Variants in CTNNA2 observed in about 807,000 individuals in gnomAD.
CTNNA2 encodes catenin alpha 2.
A neutral mutation model predicts 101.0 loss-of-function variants in CTNNA2; 42 were observed. The observed-to-expected ratio is 0.42, with a 90% CI of 0.32 to 0.54. CTNNA2 has a LOEUF of 0.54. CTNNA2 is among the 20% of genes least tolerant of loss of function. The pLI is 0.14. For missense variants in CTNNA2, 871 were observed against 1,223.1 expected (o/e 0.71, Z 4.29); for synonymous variants, 450 against 456.4 (o/e 0.99, Z 0.18).
rs574517389 is a variant in CTNNA2, at chr2:80,576,247, C to A, written c.1893+1933C>A. 2.4e-3 allele frequency: 358 copies of A among 152,164 alleles called. 1 individual carries two copies. Among genetic ancestry groups the A allele is most frequent in the African/African-American group, 8.2e-3 (339 of 41,500 alleles). 9.4% of individuals were successfully genotyped at this position (152,164 alleles called of 1,614,324 possible). On this transcript the variant is annotated intron_variant, in intron 13 of 18. Transcript: ENST00000402739. ...CATATTTAATGGTGATGTTGGTATC[C>A]AAGTGCTTGAGGCCAGCTCCAGGCA...
chr2:80,398,641 A>C, intron 8 of CTNNA2, among the ~76,000 whole-genome samples: 1 of 150,534 alleles, frequency 6.6e-6, no homozygotes, highest in East Asian at 2.0e-4. Context: ...GATCACTTGA[A>C]GTCAGGAGTT....
chr2:79,339,077 C>G (rs1052391745), intron 3 of CTNNA2, among the ~76,000 whole-genome samples: 1 of 152,056 alleles, frequency 6.6e-6, no homozygotes, highest in African/African-American at 2.4e-5. Flanking sequence ...AAATCACTCA[C>G]GTGGAGAAGT....
intron 14 of CTNNA2, among the ~76,000 whole-genome samples, chr2:80,582,080 A>G (rs530508040): frequency 1.3e-5 from 2 of 152,202 alleles, no homozygotes; most frequent in East Asian, 3.9e-4. Context: ...TATGTGTATA[A>G]TTGATTTTGT....
At chr2:79,496,707 A>T (rs1217860730) in intron 4 of CTNNA2, among the ~76,000 whole-genome samples, 1 of 151,768 alleles carries the variant, frequency 6.6e-6, no homozygotes, top group Non-Finnish European at 1.5e-5. Flanking sequence ...GTGTACATAT[A>T]TATAATTTTA....
At chr2:79,854,351 T>C (rs1249630312) in intron 3 of CTNNA2, among the ~76,000 whole-genome samples, 2 of 152,218 alleles carry the variant, frequency 1.3e-5, no homozygotes, top group Non-Finnish European at 2.9e-5. Context: ...TAAGGCCCCA[T>C]GTTGGGTGCT....
chr2:79,979,870 C>T (rs1691133217), intron 7 of CTNNA2, among the ~76,000 whole-genome samples: 2 of 152,094 alleles, frequency 1.3e-5, no homozygotes, highest in South Asian at 4.1e-4. Flanking sequence ...TTATATAAAG[C>T]AAAACCTTTT....
intron 5 of CTNNA2, among the ~76,000 whole-genome samples, chr2:79,870,402 C>A (rs997715229): frequency 8.3e-6 from 1 of 120,802 alleles, no homozygotes; most frequent in Non-Finnish European, 1.7e-5. Context: ...AAAACATGAA[C>A]AAAATGAGAG....
chr2:80,434,388 C>G (rs1253593832), intron 9 of CTNNA2, among the ~76,000 whole-genome samples: 3 of 151,618 alleles, frequency 2.0e-5, no homozygotes, highest in Admixed American at 6.6e-5. Context: ...AATTGCTTTT[C>G]ATTCTGGAAA....
Position 79,271,695 on chromosome 2 carries a change from A to G in CTNNA2, c.-405-41014A>G, listed in dbSNP as rs542992888. On this transcript the variant is annotated intron_variant, in intron 2 of 21. Coordinates refer to the CTNNA2 transcript ENST00000466387. ...CCCTCTCTACTTTTACTGCTAACAGACAGTGAGGAAGAAGGCTACGTCCCT... is the reference window on the plus strand; with the variant it reads ...CCCTCTCTACTTTTACTGCTAACAGGCAGTGAGGAAGAAGGCTACGTCCCT... 1.1e-4 allele frequency among the ~76,000 whole-genome samples: 16 copies of G among 152,116 alleles called. 1 individual carries two copies. In the East Asian group the frequency reaches 1.8e-3, roughly 17 times the overall value.
intron 2 of CTNNA2, among the ~76,000 whole-genome samples, chr2:79,652,626 A>G (rs1430649054): frequency 6.6e-6 from 1 of 152,100 alleles, no homozygotes; most frequent in Non-Finnish European, 1.5e-5. Context: ...ATACTCCAGA[A>G]AAATCCTCCC....
intron 7 of CTNNA2, among the ~76,000 whole-genome samples, chr2:80,124,360 T>G (rs771667390): frequency 3.3e-5 from 5 of 152,122 alleles, no homozygotes; most frequent in Non-Finnish European, 5.9e-5. Flanking sequence ...CTTGCCTCAT[T>G]AGATCCTCAT....
chr2:80,331,860 C>G (rs1164192895), intron 7 of CTNNA2, among the ~76,000 whole-genome samples: 2 of 152,102 alleles, frequency 1.3e-5, no homozygotes, highest in Admixed American at 6.5e-5. Context: ...TACACCTTGT[C>G]TCGATCTGGG....
At chr2:80,449,328 C>G (rs1381708595) in intron 9 of CTNNA2, among the ~76,000 whole-genome samples, 1 of 149,784 alleles carries the variant, frequency 6.7e-6, no homozygotes, top group Non-Finnish European at 1.5e-5. Context: ...AATAAATACA[C>G]TAAATAAAAT....
chr2:80,536,494 A>C (rs1338838563), intron 9 of CTNNA2, among the ~76,000 whole-genome samples: 2 of 152,162 alleles, frequency 1.3e-5, no homozygotes, highest in Admixed American at 6.5e-5. Context: ...ATGATACCTG[A>C]AGCTGTAAAA....
At chr2:80,413,790 G>C (rs1225782769) in intron 8 of CTNNA2, among the ~76,000 whole-genome samples, 2 of 152,138 alleles carry the variant, frequency 1.3e-5, no homozygotes, top group Admixed American at 1.3e-4. Flanking sequence ...TGTAGAGCCT[G>C]GAGCAGCCAT....
intron 7 of CTNNA2, among the ~76,000 whole-genome samples, chr2:79,911,076 G>C (rs563827440): frequency 2.0e-5 from 3 of 152,186 alleles, no homozygotes; most frequent in Non-Finnish European, 2.9e-5. Flanking sequence ...TTATGAGGAC[G>C]TCTCTATAGG....
chr2:80,337,996 T>C (rs1349208013), intron 7 of CTNNA2, among the ~76,000 whole-genome samples: 2 of 148,866 alleles, frequency 1.3e-5, no homozygotes, highest in Non-Finnish European at 3.0e-5. Context: ...TTACTTTTCT[T>C]TTTTTTTTTT....
At chr2:80,134,529 C>T (rs1012218382) in intron 7 of CTNNA2, among the ~76,000 whole-genome samples, 1 of 152,186 alleles carries the variant, frequency 6.6e-6, no homozygotes, top group African/African-American at 2.4e-5. Context: ...TGAGACCCCA[C>T]TTCTGAGGGC....
chr2:79,643,534 A>G (rs1343357063), intron 1 of CTNNA2, among the ~76,000 whole-genome samples: 1 of 152,164 alleles, frequency 6.6e-6, no homozygotes, highest in Admixed American at 6.5e-5. Flanking sequence ...ATTGTCATGG[A>G]CACACAAATC....
Sources: gnomAD v4.1 joint callset for allele counts (sites outside exome capture counted in the v4.1 genomes callset) on GRCh38, gnomAD v4.1.1 for gene constraint, MANE v1.5 for transcripts, NCBI Gene and HGNC (gene_info 2026-07-23, HGNC 2026-07-21) for gene names.